The following MLIP variants were observed in gnomAD, a reference collection of about 807,000 sequenced individuals.
The protein encoded by MLIP is muscular LMNA-interacting protein.
A neutral mutation model predicts 84.8 loss-of-function variants in MLIP; 79 were observed. The observed-to-expected ratio is 0.93, with a 90% confidence interval of 0.78 to 1.12. MLIP has a LOEUF of 1.12. Ranked by LOEUF, MLIP falls within the 50% of genes most tolerant of loss-of-function variation. The pLI, the probability that MLIP is intolerant of heterozygous loss-of-function variation, is 0.00. For missense variants in MLIP, 1,257 were observed against 1,160.6 expected (o/e 1.08, Z -1.21); for synonymous variants, 504 against 463.0 (o/e 1.09, Z -1.14).
chr6:54,044,014 A>T (rs914283493), intron 1 of MLIP, among the ~76,000 whole-genome samples: 1 of 152,182 alleles, frequency 6.6e-6, no homozygotes, highest in Non-Finnish European at 1.5e-5. Flanking sequence ...TCTATCTTAA[A>T]GTGTACCAGA....
chr6:54,090,647 C>CTGTGTG (rs1007743856), intron 1 of MLIP, among the ~76,000 whole-genome samples: 1 of 127,390 alleles, frequency 7.8e-6, no homozygotes, highest in African/African-American at 2.8e-5. Context: ...AGTATTGTAT[C>CTGTGTG]TGTGTGTGTG....
At chr6:54,242,474 T>A (rs1187786335) in intron 12 of MLIP, among the ~76,000 whole-genome samples, 1 of 152,182 alleles carries the variant, frequency 6.6e-6, no homozygotes, top group Non-Finnish European at 1.5e-5. Context: ...ATTATAGTCA[T>A]ATATTCAAGC....
chr6:54,169,599 T>A, intron 9 of MLIP, 27 bp downstream of exon 9: 1 of 1,526,180 alleles, frequency 6.6e-7, no homozygotes, highest in South Asian at 1.2e-5. Flanking sequence ...TTATACACAC[T>A]GCTTTTCAAA....
chr6:54,210,591 A>G (rs1344710084), intron 11 of MLIP, among the ~76,000 whole-genome samples: 3 of 151,748 alleles, frequency 2.0e-5, no homozygotes, highest in African/African-American at 7.3e-5. Context: ...GAAATAGTTA[A>G]TTCAACAGCA....
intron 11 of MLIP, chr6:54,215,335 C>T (rs1322688451): frequency 7.5e-7 from 1 of 1,331,686 alleles, no homozygotes; most frequent in African/African-American, 1.5e-5. Flanking sequence ...AAAAATCAGT[C>T]CTTACTGAAC....
intron 1 of MLIP, among the ~76,000 whole-genome samples, chr6:54,049,546 A>G (rs1765259860): frequency 2.6e-5 from 4 of 152,164 alleles, no homozygotes; most frequent in Non-Finnish European, 5.9e-5. Context: ...GGTGAAAGGA[A>G]GCAAATTGGG....
intron 1 of MLIP, chr6:54,019,189 GT>G: frequency 1.6e-6 from 2 of 1,225,410 alleles, no homozygotes; most frequent in Non-Finnish European, 2.3e-6. Flanking sequence ...GCCGGCCTCT[GT>G]TTCCATGTTT....
chr6:54,163,372 TTGTTA>T (rs920068703), intron 8 of MLIP, among the ~76,000 whole-genome samples: 9 of 152,066 alleles, frequency 5.9e-5, no homozygotes, highest in African/African-American at 2.2e-4. Context: ...ATTGCAATTC[TTGTTA>T]TGTTAGGGTG....
At chr6:54,234,961 A>G (rs1335156856) in intron 12 of MLIP, among the ~76,000 whole-genome samples, 1 of 152,148 alleles carries the variant, frequency 6.6e-6, no homozygotes, top group African/African-American at 2.4e-5. Flanking sequence ...CTCCACTGAG[A>G]TTCAGTTTCG....
intron 3 of MLIP, among the ~76,000 whole-genome samples, chr6:54,131,578 G>A (rs906128628): frequency 6.6e-6 from 1 of 151,944 alleles, no homozygotes; most frequent in Non-Finnish European, 1.5e-5. Context: ...ATAAGGCTGG[G>A]ACTCTTTGGG....
chr6:54,194,353 G>A (rs987201099), intron 10 of MLIP, among the ~76,000 whole-genome samples: 3 of 152,100 alleles, frequency 2.0e-5, no homozygotes, highest in Non-Finnish European at 4.4e-5. Flanking sequence ...ACGTACTTAA[G>A]TGCCACAGCA....
intron 11 of MLIP, among the ~76,000 whole-genome samples, chr6:54,202,513 T>C (rs1156613130): frequency 6.6e-6 from 1 of 151,808 alleles, no homozygotes; most frequent in Admixed American, 6.6e-5. Flanking sequence ...TGGTATTGTT[T>C]TGGAGACCAA....
At chr6:54,156,302 A>ATTTTGT (rs1774026972) in intron 5 of MLIP, among the ~76,000 whole-genome samples, 1 of 152,124 alleles carries the variant, frequency 6.6e-6, no homozygotes, top group African/African-American at 2.4e-5. Context: ...TTAAAAATAC[A>ATTTTGT]GCCTGAGTAT....
intron 3 of MLIP, among the ~76,000 whole-genome samples, chr6:54,132,337 C>T (rs1363881942): frequency 6.6e-6 from 1 of 152,086 alleles, no homozygotes; most frequent in African/African-American, 2.4e-5. Context: ...AGGATAAGTA[C>T]ATAGGTTATG....
chr6:54,110,440 GT>G (rs1030567561), upstream of MLIP, among the ~76,000 whole-genome samples: 1 of 151,964 alleles, frequency 6.6e-6, no homozygotes, highest in Non-Finnish European at 1.5e-5. Context: ...AAGGCTCATA[GT>G]TTTTTTTATA....
chr6:54,216,086 G>T (rs905846606), intron 11 of MLIP: 1 of 846,628 alleles, frequency 1.2e-6, no homozygotes. Context: ...CACTTCGGTT[G>T]TTGCCATATC....
chr6:54,102,333 T>C (rs998230949), intron 1 of MLIP, among the ~76,000 whole-genome samples: 2 of 152,138 alleles, frequency 1.3e-5, no homozygotes, highest in African/African-American at 4.8e-5. Context: ...ATGTGTAGGA[T>C]GAAATTTGCT....
chr6:54,140,741 T>C (rs1203952831), intron 4 of MLIP, among the ~76,000 whole-genome samples: 1 of 152,204 alleles, frequency 6.6e-6, no homozygotes, highest in Non-Finnish European at 1.5e-5. Flanking sequence ...AAAAAACTTA[T>C]TAAAATGGAT....
chr6:54,095,082 A>G (rs946065339), intron 1 of MLIP, among the ~76,000 whole-genome samples: 3 of 152,212 alleles, frequency 2.0e-5, no homozygotes, highest in East Asian at 1.9e-4. Context: ...AAAGATAGCC[A>G]TCTCTTGAAG....
Sources: gnomAD v4.1 joint callset for allele counts (sites outside exome capture counted in the v4.1 genomes callset) on GRCh38, gnomAD v4.1.1 for gene constraint, MANE v1.5 for transcripts, NCBI Gene and HGNC (gene_info 2026-07-23, HGNC 2026-07-21) for gene names.